The following ADCY3 variants were observed in gnomAD, a reference collection of about 807,000 sequenced individuals.
ADCY3 encodes the protein adenylate cyclase type 3.
In ADCY3, 70 loss-of-function variants were observed where a neutral mutation model predicts 119.4. The observed-to-expected ratio is 0.59, with a 90% confidence interval of 0.48 to 0.72. The LOEUF is 0.72. Among genes scored for constraint, ADCY3 ranks in the 30% least tolerant of loss-of-function variants. The pLI is 0.00. For missense variants in ADCY3, 1,238 were observed against 1,541.6 expected (o/e 0.80, Z 3.30); for synonymous variants, 672 against 621.4 (o/e 1.08, Z -1.21).
chr2:24,823,492 A>AT (rs5829941), intron 17 of ADCY3, 137 bp from the exon 18 acceptor site: 210,322 of 656,014 alleles, frequency 0.32, 10,899 homozygotes, highest in East Asian at 0.39. Context: ...TTATTCCAGC[A>AT]TTTTTTTTTT....
intron 2 of ADCY3, among the ~76,000 whole-genome samples, chr2:24,873,606 G>A (rs1312448407): frequency 1.3e-5 from 2 of 152,212 alleles, no homozygotes; most frequent in African/African-American, 4.8e-5. Flanking sequence ...TCCCAACCCT[G>A]CCTGGCGGCC....
intron 3 of ADCY3, among the ~76,000 whole-genome samples, chr2:24,866,864 G>T (rs1478696138): frequency 6.6e-6 from 1 of 152,082 alleles, no homozygotes; most frequent in Non-Finnish European, 1.5e-5. Context: ...GTAAACTGTA[G>T]ATTAGGCCCA....
chr2:24,869,286 A>G (rs1217181028), intron 3 of ADCY3, among the ~76,000 whole-genome samples: 2 of 152,222 alleles, frequency 1.3e-5, no homozygotes, highest in Non-Finnish European at 2.9e-5. Flanking sequence ...AAACCTCTCT[A>G]AAACCTATAT....
intron 2 of ADCY3, among the ~76,000 whole-genome samples, chr2:24,905,092 A>T (rs1046427872): frequency 6.6e-6 from 1 of 151,300 alleles, no homozygotes; most frequent in African/African-American, 2.4e-5. Flanking sequence ...GGTCTTTCTT[A>T]GTTACTGTGG....
chr2:24,862,916 C>T (rs1277142131), intron 3 of ADCY3, among the ~76,000 whole-genome samples: 1 of 151,630 alleles, frequency 6.6e-6, no homozygotes, highest in Admixed American at 6.6e-5. Flanking sequence ...TGTGCAGGCA[C>T]TGTGCAATAA....
intron 2 of ADCY3, among the ~76,000 whole-genome samples, chr2:24,889,385 G>A (rs1677419827): frequency 6.6e-6 from 1 of 152,176 alleles, no homozygotes. Flanking sequence ...CAGACATTGT[G>A]AATTCACCAG....
rs76718705 is a variant in ADCY3 at position 24,918,195 on chromosome 2, C to T, written c.675+118G>A. The T allele has an allele frequency of 0.021, 24,348 of 1,157,878 alleles. 350 individuals are homozygous for T. The highest frequency in any genetic ancestry group is 0.05 in the South Asian group (3,232 of 64,432). The allele number at this position is 1,157,878 out of a possible 1,614,324, so 71.7% of individuals were successfully genotyped here. A position where few individuals can be genotyped will look rare whatever the true frequency, so the allele number is the denominator to read the frequency against. ...GGACTAGGGAGAGAGGTGAGAGCCC[C>T]GGAGGCCCCCAGGACACATTTTGAC... On this transcript the variant is annotated intron_variant, in intron 2 of 21. Coordinates refer to ENST00000679454, the MANE Select transcript of ADCY3 (RefSeq NM_004036.5). This position sits in a 1 kb window ranked among gnomAD's most constrained non-coding sequence, Gnocchi z 5.4.
intron 6 of ADCY3, chr2:24,840,660 G>A (rs1450341753): frequency 5.8e-5 from 23 of 396,254 alleles, no homozygotes; most frequent in South Asian, 3.7e-4. Flanking sequence ...ATGTCACCCC[G>A]GGTCCCGCAG....
At chr2:24,915,727 G>C (rs532373332) in intron 2 of ADCY3, among the ~76,000 whole-genome samples, 141 of 152,278 alleles carry the variant, frequency 9.3e-4, no homozygotes, top group Non-Finnish European at 1.5e-3. Context: ...TTTTAGTAGA[G>C]ATGCGGTTTC....
chr2:24,853,654 G>A (rs1373929513), intron 3 of ADCY3, among the ~76,000 whole-genome samples: 3 of 151,914 alleles, frequency 2.0e-5, no homozygotes, highest in Non-Finnish European at 4.4e-5. Context: ...ATGTTTAGTA[G>A]AGACGGGGTT....
At chr2:24,825,444 C>G (rs1668483051) in intron 16 of ADCY3, among the ~76,000 whole-genome samples, 1 of 151,434 alleles carries the variant, frequency 6.6e-6, no homozygotes. Flanking sequence ...AAGCAATCCT[C>G]CTGCCTCAGC....
intron 3 of ADCY3, among the ~76,000 whole-genome samples, chr2:24,858,307 T>C (rs1477279172): frequency 6.6e-6 from 1 of 152,200 alleles, no homozygotes; most frequent in Non-Finnish European, 1.5e-5. Context: ...TTCCATTTTC[T>C]AAGTGAGTCA....
In ADCY3 at chr2:24,880,946, C is replaced by T. The variant is rs574498162; in HGVS notation, c.676-8227G>A. ...AGGAGAATCGCTTGAACCCGGGAGG[C>T]GGAGGTTGCAGTGAGCCAAGATAGC... On this transcript the variant is annotated intron_variant, in intron 2 of 21. Transcript: ENST00000679454. Among the ~76,000 whole-genome samples the T allele has an allele frequency of 2.2e-3, 337 of 151,164 alleles. 4 individuals carry two copies. The highest frequency in any genetic ancestry group is 7.8e-3 in the African/African-American group (319 of 41,118).
At chr2:24,840,071 T>C (rs774062695) in intron 6 of ADCY3, 40 bp from the exon 7 acceptor site, 6 of 1,576,800 alleles carry the variant, frequency 3.8e-6, no homozygotes, top group Non-Finnish European at 5.2e-6. Context: ...GGGTGTGGCC[T>C]TCACGAGGCA....
intron 9 of ADCY3, 41 bp downstream of exon 9, chr2:24,836,876 T>G (rs77760734): frequency 0.077 from 121,023 of 1,568,408 alleles, 5,048 homozygotes; most frequent in Non-Finnish European, 0.084. Context: ...CCTGCCCGCA[T>G]CTGGCCCTCA....
At position 24,828,137 on chromosome 2, in the gene ADCY3, C is replaced by T; in HGVS notation, c.2197G>A (p.Gly733Arg). 1 of 1,613,956 alleles carries T rather than the reference C, an allele frequency of 6.2e-7. No homozygotes were observed. The highest frequency in any genetic ancestry group is 1.7e-5 in the Admixed American group (1 of 60,020). ...ATCCCTGCCGTTGCATTGCTGGGTC[C>T]CGTGTAGTACTGGAGACAGCTGAGC... ...DMLSCLQYYT[G>R]PSNATAGMET... The change falls in exon 14 of 22, where the codon GGA becomes AGA. Residue 733 changes from glycine to arginine, a missense_variant. Transcript: ENST00000679454.
At chr2:24,837,703 G>A (rs1019734129) in intron 8 of ADCY3, among the ~76,000 whole-genome samples, 8 of 152,210 alleles carry the variant, frequency 5.3e-5, no homozygotes, top group African/African-American at 1.9e-4. Context: ...TTCAGCAGGG[G>A]ATGGTAAAGG....
chr2:24,833,833 G>A (rs1004200953), intron 11 of ADCY3, among the ~76,000 whole-genome samples: 1 of 152,244 alleles, frequency 6.6e-6, no homozygotes, highest in Non-Finnish European at 1.5e-5. Context: ...TGGCCTGCAC[G>A]TGGTCACACA....
chr2:24,893,431 G>C (rs1261143561), intron 2 of ADCY3, among the ~76,000 whole-genome samples: 1 of 152,108 alleles, frequency 6.6e-6, no homozygotes, highest in Admixed American at 6.5e-5. Context: ...CACCCAGGCT[G>C]GTCTTGATCT....
Sources: gnomAD v4.1 joint callset for allele counts (sites outside exome capture counted in the v4.1 genomes callset) on GRCh38, gnomAD v4.1.1 for gene constraint, Gnocchi (gnomAD v3.1) non-coding constraint, MANE v1.5 for transcripts, NCBI Gene and HGNC (gene_info 2026-07-23, HGNC 2026-07-21) for gene names.